Variants in PTPRD observed in about 807,000 individuals in gnomAD.
PTPRD encodes receptor-type tyrosine-protein phosphatase delta.
In PTPRD, 34 loss-of-function variants were observed where a neutral mutation model predicts 214.5. That is an observed-to-expected ratio of 0.16 (90% confidence interval 0.12 to 0.21). The LOEUF (loss-of-function observed/expected upper bound fraction) is 0.21, where lower values mean the gene tolerates loss of function less well. PTPRD is among the 10% of genes least tolerant of loss of function. PTPRD has a pLI of 1.00. For synonymous variants in PTPRD, 1,128 were observed against 845.7 expected, an observed-to-expected ratio of 1.33 and a Z score of -5.79; for missense variants, 2,545 against 2,398.7, an observed-to-expected ratio of 1.06 and a Z score of -1.27.
At chr9:10,141,218 C>G (rs1009122972) in intron 3 of PTPRD, among the ~76,000 whole-genome samples, 2 of 151,998 alleles carry the variant, frequency 1.3e-5, no homozygotes, top group Non-Finnish European at 2.9e-5. Flanking sequence ...TCTCACCACT[C>G]CTATTCAACA....
chr9:8,774,466 A>G (rs1344561247), intron 11 of PTPRD, among the ~76,000 whole-genome samples: 1 of 151,500 alleles, frequency 6.6e-6, no homozygotes, highest in Non-Finnish European at 1.5e-5. Context: ...AAAGGATTTT[A>G]TGATGTAACA....
chr9:8,492,887 G>C lies in PTPRD; in HGVS notation c.2442C>G (p.Pro814=), dbSNP rs1322542844. ...TTKGDGARSK[P]KLVSTTGAVP... The stretch of plus-strand genomic sequence containing the variant: ...CTGCCCCAGTGGTGGACACCAGTTT[G>C]GGCTTGCTGCGAGCACCATCTCCTT... Residue 814 remains proline (P), a synonymous_variant, in exon 27 of 46, where the codon CCC becomes CCG. Transcript: ENST00000381196. The C allele has an allele frequency of 1.2e-6, 2 of 1,613,618 alleles. No homozygotes were observed. The highest frequency in any genetic ancestry group is 1.7e-6 in the Non-Finnish European group (2 of 1,179,730).
chr9:9,531,657 A>G (rs754575955), intron 8 of PTPRD, among the ~76,000 whole-genome samples: 18 of 152,256 alleles, frequency 1.2e-4, no homozygotes, highest in African/African-American at 3.6e-4. Flanking sequence ...TTGTTTATCA[A>G]TTCAGTGGGT....
At chr9:10,012,838 G>C in intron 4 of PTPRD, among the ~76,000 whole-genome samples, 1 of 151,892 alleles carries the variant, frequency 6.6e-6, no homozygotes. Flanking sequence ...TAGCTGCTTA[G>C]AAGGTAAACT....
At chr9:9,234,695 C>T (rs1451284776) in intron 9 of PTPRD, among the ~76,000 whole-genome samples, 3 of 152,168 alleles carry the variant, frequency 2.0e-5, no homozygotes, top group African/African-American at 4.8e-5. Context: ...GGCAAAATGC[C>T]TTCAGTCTCT....
chr9:10,340,201 T>C (rs935567192), intron 3 of PTPRD, among the ~76,000 whole-genome samples: 2 of 151,930 alleles, frequency 1.3e-5, no homozygotes, highest in African/African-American at 4.8e-5. Flanking sequence ...TGTGATACGG[T>C]TATGTACATT....
chr9:9,654,818 C>G lies in PTPRD; in HGVS notation c.-287+79715G>C, dbSNP rs533376148. On this transcript the variant is annotated intron_variant, in intron 7 of 45. Coordinates refer to ENST00000381196, the MANE Select transcript of PTPRD (RefSeq NM_002839.4). The stretch of plus-strand genomic sequence containing the variant: ...TATTAAGTGTATAACAAATGACTTT[C>G]TCTCTTTAACTGATACTGAAGGCAT... 2.7e-4 allele frequency among the ~76,000 whole-genome samples: 41 copies of G among 152,194 alleles called. No individual in the cohort carries two copies. The South Asian group carries it at 8.5e-3, about 32-fold the overall frequency.
intron 3 of PTPRD, among the ~76,000 whole-genome samples, chr9:10,170,308 G>T (rs2099193270): frequency 6.6e-6 from 1 of 152,190 alleles, no homozygotes. Context: ...CTTCTGATGG[G>T]CATATTTTAC....
At position 9,495,715 on chromosome 9, in the gene PTPRD, G is replaced by A. The variant is rs528906777; in HGVS notation, c.-237+79017C>T. ...TCTCTGCTTTCACTATCCTTCAATT[G>A]TCCATGTGACCTCATTCTTCTTGGA... On this transcript the variant is annotated intron_variant, in intron 8 of 45. Transcript: ENST00000381196. Among the ~76,000 whole-genome samples, 23 of 152,164 alleles carry A rather than the reference G, an allele frequency of 1.5e-4. 1 individual carries two copies. The East Asian group carries it at 4.4e-3, about 29-fold the overall frequency.
At chr9:10,003,361 C>G (rs1194876138) in intron 4 of PTPRD, among the ~76,000 whole-genome samples, 1 of 151,522 alleles carries the variant, frequency 6.6e-6, no homozygotes, top group Non-Finnish European at 1.5e-5. Flanking sequence ...AATTTTTAAG[C>G]AATAAAACCA....
intron 5 of PTPRD, among the ~76,000 whole-genome samples, chr9:9,905,324 T>C (rs552153505): frequency 6.6e-6 from 1 of 151,750 alleles, no homozygotes; most frequent in Admixed American, 6.6e-5. Context: ...TCAGGTAGAG[T>C]TTTAAATAAT....
At chr9:9,691,581 G>A (rs149082316) in intron 7 of PTPRD, among the ~76,000 whole-genome samples, 14 of 152,126 alleles carry the variant, frequency 9.2e-5, no homozygotes, top group South Asian at 6.2e-4. Flanking sequence ...GAACAGTGCT[G>A]CAACAAACAT....
intron 11 of PTPRD, among the ~76,000 whole-genome samples, chr9:8,877,280 G>A (rs1043680182): frequency 6.6e-6 from 1 of 152,098 alleles, no homozygotes; most frequent in African/African-American, 2.4e-5. Flanking sequence ...AACGTAATCT[G>A]GGCTTTATTC....
chr9:10,450,956 G>C lies in PTPRD; in HGVS notation c.-599-109939C>G, dbSNP rs548115987. ...TAAAAATCTCTAAGTACTCTGAGAA[G>C]TCAAAACCCATATTGCTAGCAATCC... On this transcript the variant is annotated intron_variant, in intron 2 of 45. Coordinates refer to ENST00000381196, the MANE Select transcript of PTPRD (RefSeq NM_002839.4). 2.0e-4 allele frequency among the ~76,000 whole-genome samples: 31 copies of C among 151,912 alleles called. 1 individual carries two copies. Among genetic ancestry groups the C allele is most frequent in the Non-Finnish European group, 4.3e-4 (29 of 67,988 alleles).
intron 9 of PTPRD, among the ~76,000 whole-genome samples, chr9:9,365,183 A>G (rs1202441220): frequency 6.6e-6 from 1 of 151,542 alleles, no homozygotes; most frequent in Non-Finnish European, 1.5e-5. Flanking sequence ...ACAGCTTTTT[A>G]AAATTGTTCT....
intron 11 of PTPRD, among the ~76,000 whole-genome samples, chr9:8,808,522 C>G (rs997736581): frequency 7.8e-6 from 1 of 128,268 alleles, no homozygotes; most frequent in Non-Finnish European, 1.6e-5. Flanking sequence ...ATATGACTTA[C>G]GTATGCAAAA....
intron 39 of PTPRD, among the ~76,000 whole-genome samples, chr9:8,356,198 C>T (rs2076956735): frequency 6.6e-6 from 1 of 152,094 alleles, no homozygotes; most frequent in South Asian, 2.1e-4. Context: ...TGCCCAAAGC[C>T]CACCTTTTGA....
At chr9:9,960,320 G>C (rs994393042) in intron 4 of PTPRD, among the ~76,000 whole-genome samples, 1 of 151,440 alleles carries the variant, frequency 6.6e-6, no homozygotes, top group Non-Finnish European at 1.5e-5. Context: ...AAATAAATAA[G>C]AGGTGATGAG....
intron 5 of PTPRD, among the ~76,000 whole-genome samples, chr9:9,834,924 C>G (rs2153614771): frequency 6.6e-6 from 1 of 151,930 alleles, no homozygotes; most frequent in South Asian, 2.1e-4. Context: ...ATTAACCTAA[C>G]AGGTACTTTT....
Sources: allele counts gnomAD v4.1 joint callset (sites outside exome capture counted in the v4.1 genomes callset), GRCh38; gene constraint gnomAD v4.1.1; transcripts MANE v1.5; gene names NCBI Gene and HGNC (gene_info 2026-07-23, HGNC 2026-07-21).